GAD1: variants seen among roughly 807,000 people sequenced by gnomAD.
The protein encoded by GAD1 is 67 kDa glutamic acid decarboxylase.
Under a neutral mutation model 75.2 loss-of-function variants are expected in GAD1, and 35 were observed. That is an observed-to-expected ratio of 0.47 (90% CI 0.36 to 0.62). The LOEUF is 0.62. Among genes scored for constraint, GAD1 ranks in the 20% least tolerant of loss-of-function variants. The probability of loss-of-function intolerance (pLI) is 0.00; values close to 1 mark genes in which losing one functional copy is unlikely to be tolerated. For missense variants in GAD1, 490 were observed against 758.5 expected, an observed-to-expected ratio of 0.65 and a Z score of 4.16; for synonymous variants, 257 against 271.9, an observed-to-expected ratio of 0.95 and a Z score of 0.54.
chr2:170,815,229 G>C (rs1701673706), upstream of GAD1, among the ~76,000 whole-genome samples: 1 of 152,150 alleles, frequency 6.6e-6, no homozygotes. Flanking sequence ...ACGTGGAGCA[G>C]ACACCCCCAG....
intron 3 of GAD1, among the ~76,000 whole-genome samples, chr2:170,826,387 C>T (rs1047104785): frequency 7.2e-5 from 11 of 151,726 alleles, no homozygotes; most frequent in East Asian, 1.9e-4. Flanking sequence ...ACCAACATGG[C>T]GAAACCCCCA....
intron 16 of GAD1, 95 bp from the exon 17 acceptor site, chr2:170,859,614 A>G: frequency 8.0e-7 from 1 of 1,248,392 alleles, no homozygotes; most frequent in South Asian, 1.3e-5. Context: ...ATGTCAATGT[A>G]AACACAAATA....
intron 6 of GAD1, chr2:170,842,775 G>T: frequency 6.8e-7 from 1 of 1,466,198 alleles, no homozygotes; most frequent in East Asian, 2.5e-5. Context: ...GGATCCTTCA[G>T]GATCTTTTTG....
At chr2:170,829,879 G>A (rs541401237) in intron 4 of GAD1, 1 of 505,204 alleles carries the variant, frequency 2.0e-6, no homozygotes, top group African/African-American at 1.9e-5. Context: ...GACACTCGAG[G>A]GAACAAATAT....
chr2:170,841,696 T>C (rs905267369), intron 6 of GAD1, among the ~76,000 whole-genome samples: 4 of 152,190 alleles, frequency 2.6e-5, no homozygotes, highest in Non-Finnish European at 4.4e-5. Context: ...GAACACCATG[T>C]CAGCCCATTT....
intron 5 of GAD1, among the ~76,000 whole-genome samples, chr2:170,833,269 A>T (rs187171219): frequency 6.6e-5 from 10 of 152,380 alleles, no homozygotes; most frequent in Admixed American, 5.2e-4. Context: ...GCTTTTTAAA[A>T]TGAGGAATCC....
chr2:170,816,380 A>C (rs2105744242), upstream of GAD1: 1 of 152,354 alleles, frequency 6.6e-6, no homozygotes, highest in South Asian at 2.1e-4. Flanking sequence ...TAGAGAGCCA[A>C]CGAGGACACG....
chr2:170,823,719 C>T (rs1330997676), intron 3 of GAD1, among the ~76,000 whole-genome samples: 1 of 150,168 alleles, frequency 6.7e-6, no homozygotes, highest in Non-Finnish European at 1.5e-5. Context: ...GTCCCTTCGG[C>T]GGCCGCAGCG....
chr2:170,828,269 C>T (rs1202185175), intron 3 of GAD1, among the ~76,000 whole-genome samples: 6 of 125,966 alleles, frequency 4.8e-5, no homozygotes, highest in Admixed American at 1.7e-4. Flanking sequence ...TGTCCTCACC[C>T]CTCCCCTTCC....
At chr2:170,827,416 G>C (rs1234293299) in intron 3 of GAD1, among the ~76,000 whole-genome samples, 2 of 152,234 alleles carry the variant, frequency 1.3e-5, no homozygotes, top group African/African-American at 4.8e-5. Context: ...CTAAGACTGA[G>C]GCTGAATTGA....
At chr2:170,841,738 A>C (rs1339936694) in intron 6 of GAD1, among the ~76,000 whole-genome samples, 1 of 152,186 alleles carries the variant, frequency 6.6e-6, no homozygotes, top group Non-Finnish European at 1.5e-5. Context: ...GCAGCCATGG[A>C]CTGATATACT....
At chr2:170,821,841 G>C (rs1701889615) in intron 2 of GAD1, 1 of 541,180 alleles carries the variant, frequency 1.8e-6, no homozygotes, top group Admixed American at 3.1e-5. Context: ...AGGGGCGCCG[G>C]GTGCCCCGCC....
At chr2:170,858,503 G>T (rs1391705104) in intron 15 of GAD1, among the ~76,000 whole-genome samples, 1 of 152,308 alleles carries the variant, frequency 6.6e-6, no homozygotes, top group South Asian at 2.1e-4. Flanking sequence ...TGACAACATG[G>T]ACAGACGGAT....
chr2:170,819,853 T>C (rs1386398324), intron 2 of GAD1, among the ~76,000 whole-genome samples: 3 of 152,138 alleles, frequency 2.0e-5, no homozygotes, highest in African/African-American at 7.2e-5. Context: ...GAAGTGGGGA[T>C]TATTACCGGA....
At chr2:170,813,779 C>T (rs914248275), upstream of GAD1, among the ~76,000 whole-genome samples, 1 of 152,206 alleles carries the variant, frequency 6.6e-6, no homozygotes, top group African/African-American at 2.4e-5. Context: ...GCATTGTGGG[C>T]GGAGGGTCGT....
At chr2:170,842,980 A>G (rs1328176571) in intron 6 of GAD1, among the ~76,000 whole-genome samples, 1 of 152,242 alleles carries the variant, frequency 6.6e-6, no homozygotes, top group Non-Finnish European at 1.5e-5. Flanking sequence ...CCAGTGATAA[A>G]GCTTCCCCAT....
intron 12 of GAD1, among the ~76,000 whole-genome samples, chr2:170,850,918 G>T (rs1702732522): frequency 6.6e-6 from 1 of 152,068 alleles, no homozygotes; most frequent in Non-Finnish European, 1.5e-5. Flanking sequence ...GGAGGCTGAG[G>T]CTGGAGAATC....
Position 170,857,016 on chromosome 2 carries a change from A to G in GAD1, c.1414-2A>G, listed in dbSNP as rs1352848723. 1 of 1,612,724 alleles carries G rather than the reference A, an allele frequency of 6.2e-7. No individual in the cohort carries two copies. Among genetic ancestry groups the G allele is most frequent in the Non-Finnish European group, 8.5e-7 (1 of 1,178,824 alleles). ...CAAACATGACTTTTCTCTTTAAAAC[A>G]GGGCACAGTGGGATTTGAAAACCAG... On this transcript the variant is annotated splice_acceptor_variant, in intron 14 of 16. Coordinates refer to ENST00000358196, the MANE Select transcript of GAD1 (RefSeq NM_000817.3). LOFTEE classifies it high-confidence loss of function.
chr2:170,814,415 G>C (rs1465130678), upstream of GAD1, among the ~76,000 whole-genome samples: 1 of 152,172 alleles, frequency 6.6e-6, no homozygotes, highest in Non-Finnish European at 1.5e-5. Context: ...AATCTGGATG[G>C]AGTGGAATTC....
Sources: gnomAD v4.1 joint callset for allele counts (sites outside exome capture counted in the v4.1 genomes callset) on GRCh38, gnomAD v4.1.1 for gene constraint, MANE v1.5 for transcripts, NCBI Gene and HGNC (gene_info 2026-07-23, HGNC 2026-07-21) for gene names.